The following CSMD1 variants were observed in gnomAD, a reference collection of about 807,000 sequenced individuals.
CSMD1 encodes CUB and Sushi multiple domains 1, also known as CUB and sushi domain-containing protein 1.
In CSMD1, 213 loss-of-function variants were observed where a neutral mutation model predicts 417.5. That is an observed-to-expected ratio of 0.51 (90% CI 0.46 to 0.57). The LOEUF (loss-of-function observed/expected upper bound fraction) is 0.57. Ranked by LOEUF, CSMD1 falls within the 20% of genes least tolerant of loss-of-function variation. The pLI is 0.00. For missense variants in CSMD1, 6,923 were observed against 4,529.7 expected (o/e 1.53, Z -15.17); for synonymous variants, 2,862 against 1,736.8 (o/e 1.65, Z -16.11).
intron 5 of CSMD1, among the ~76,000 whole-genome samples, chr8:3,909,259 G>C (rs568854789): frequency 6.6e-6 from 1 of 152,140 alleles, no homozygotes; most frequent in East Asian, 1.9e-4. Context: ...AGACCCAAAA[G>C]GTGTCAGTGT....
chr8:3,718,988 C>G lies in CSMD1; in HGVS notation c.932-10497G>C, dbSNP rs868577334. On this transcript the variant is annotated intron_variant, in intron 6 of 69. Transcript: ENST00000635120. ...AGATAAGAAAGCGCAAAGGGGGAGGCAGAACAAGGGGTGAGACAACGCGCT... is the reference window on the plus strand; with the variant it reads ...AGATAAGAAAGCGCAAAGGGGGAGGGAGAACAAGGGGTGAGACAACGCGCT... Among the ~76,000 whole-genome samples the G allele has an allele frequency of 2.0e-5, 3 of 152,122 alleles. No homozygotes were observed. The South Asian group carries it at 6.2e-4, about 32-fold the overall frequency.
In CSMD1 at chr8:4,443,043, G is replaced by A. The variant is rs773890873; in HGVS notation, c.303-22978C>T. On this transcript the variant is annotated intron_variant, in intron 2 of 69. Transcript: ENST00000635120. ...TACTTTAAAGATTTCGATTGTAATT[G>A]TGAATATACAATTATTTGAGAAGAG... Among the ~76,000 whole-genome samples the A allele has an allele frequency of 4.6e-5, 7 of 152,086 alleles. No homozygotes were observed. In the Middle Eastern group the frequency reaches 9.5e-3, roughly 206 times the overall value.
At chr8:3,216,418 T>A (rs1411093045) in intron 29 of CSMD1, among the ~76,000 whole-genome samples, 2 of 152,216 alleles carry the variant, frequency 1.3e-5, no homozygotes, top group Non-Finnish European at 2.9e-5. Flanking sequence ...AAATAAAAAA[T>A]TTCCCAGTAC....
intron 1 of CSMD1, among the ~76,000 whole-genome samples, chr8:4,708,312 TTC>T: frequency 6.6e-6 from 1 of 152,288 alleles, no homozygotes; most frequent in African/African-American, 2.4e-5. Flanking sequence ...GACATGCATT[TTC>T]TCTCTCCCTA....
intron 1 of CSMD1, among the ~76,000 whole-genome samples, chr8:4,944,535 G>C (rs1466409130): frequency 6.6e-6 from 1 of 152,160 alleles, no homozygotes; most frequent in East Asian, 1.9e-4. Flanking sequence ...CTCAGAGGCA[G>C]TTACTAAAAG....
chr8:3,998,939 T>A (rs1419775684), intron 4 of CSMD1, among the ~76,000 whole-genome samples: 2 of 148,820 alleles, frequency 1.3e-5, no homozygotes, highest in South Asian at 4.2e-4. Flanking sequence ...GTAGTTTATA[T>A]ATAAATAACA....
intron 1 of CSMD1, among the ~76,000 whole-genome samples, chr8:4,706,942 C>G (rs971926811): frequency 6.6e-6 from 1 of 152,196 alleles, no homozygotes; most frequent in African/African-American, 2.4e-5. Context: ...ATTTGCTCAT[C>G]TGAAGCTTGG....
chr8:4,316,554 A>G (rs1039701485), intron 3 of CSMD1, among the ~76,000 whole-genome samples: 7 of 152,140 alleles, frequency 4.6e-5, no homozygotes, highest in Non-Finnish European at 8.8e-5. Context: ...ATTATATATA[A>G]TTAATAACTT....
At chr8:3,866,231 C>T (rs994568765) in intron 5 of CSMD1, among the ~76,000 whole-genome samples, 2 of 152,094 alleles carry the variant, frequency 1.3e-5, no homozygotes, top group African/African-American at 4.8e-5. Context: ...GTTTTGTTGC[C>T]ACAGATTTTG....
chr8:3,097,206 A>G (rs79016508), intron 46 of CSMD1, among the ~76,000 whole-genome samples, 169 bp from the exon 47 acceptor site: 5 of 152,306 alleles, frequency 3.3e-5, no homozygotes, highest in Non-Finnish European at 7.4e-5. Flanking sequence ...AACATTGAAT[A>G]ATCATGAGAA....
chr8:4,942,955 T>C (rs931611007), intron 1 of CSMD1, among the ~76,000 whole-genome samples: 5 of 152,132 alleles, frequency 3.3e-5, no homozygotes, highest in African/African-American at 1.2e-4. Flanking sequence ...GCATTCAGGA[T>C]TGAGATAGCT....
intron 10 of CSMD1, among the ~76,000 whole-genome samples, chr8:3,562,244 G>A (rs1799498515): frequency 6.6e-6 from 1 of 152,134 alleles, no homozygotes; most frequent in Admixed American, 6.5e-5. Flanking sequence ...CTTGTTAAAG[G>A]AACTCTAGTG....
At chr8:4,988,151 G>C (rs568466789) in intron 1 of CSMD1, among the ~76,000 whole-genome samples, 1 of 152,270 alleles carries the variant, frequency 6.6e-6, no homozygotes, top group South Asian at 2.1e-4. Flanking sequence ...TCATGTTTAT[G>C]TTCTTGATCT....
chr8:3,893,436 C>G (rs900783802), intron 5 of CSMD1, among the ~76,000 whole-genome samples: 2 of 146,656 alleles, frequency 1.4e-5, no homozygotes, highest in African/African-American at 5.0e-5. Context: ...ACTCCTGAAA[C>G]CAATGAGGAC....
At chr8:4,462,090 G>C (rs1017721260) in intron 2 of CSMD1, among the ~76,000 whole-genome samples, 3 of 150,892 alleles carry the variant, frequency 2.0e-5, no homozygotes, top group African/African-American at 7.3e-5. Flanking sequence ...GCACAGGCTG[G>C]TCTCAAACTC....
chr8:3,249,823 G>A (rs1293305503), intron 26 of CSMD1, among the ~76,000 whole-genome samples: 3 of 152,152 alleles, frequency 2.0e-5, no homozygotes, highest in Non-Finnish European at 4.4e-5. Context: ...GCAATTTAGT[G>A]ATGTTTATTT....
chr8:3,075,572 T>C (rs1009548775), intron 49 of CSMD1, among the ~76,000 whole-genome samples: 4 of 151,796 alleles, frequency 2.6e-5, no homozygotes, highest in Admixed American at 6.6e-5. Flanking sequence ...TGGACCACCA[T>C]GCCAGGCTAG....
chr8:4,666,517 C>A (rs529338201), intron 1 of CSMD1, among the ~76,000 whole-genome samples: 1 of 152,306 alleles, frequency 6.6e-6, no homozygotes, highest in South Asian at 2.1e-4. Context: ...CAGAACGGAA[C>A]AGAATCCTGA....
intron 1 of CSMD1, among the ~76,000 whole-genome samples, chr8:4,763,936 A>G (rs569275702): frequency 6.6e-6 from 1 of 152,336 alleles, no homozygotes; most frequent in East Asian, 1.9e-4. Flanking sequence ...TGAACAAATT[A>G]TATTCCTTAT....
Sources: gnomAD v4.1 joint callset for allele counts (sites outside exome capture counted in the v4.1 genomes callset) on GRCh38, gnomAD v4.1.1 for gene constraint, MANE v1.5 for transcripts, NCBI Gene and HGNC (gene_info 2026-07-23, HGNC 2026-07-21) for gene names.